The following KCNJ6 variants were observed in gnomAD, a reference collection of about 807,000 sequenced individuals.
KCNJ6 encodes the protein G protein-activated inward rectifier potassium channel 2.
Under a neutral mutation model 34.2 loss-of-function variants are expected in KCNJ6, and 9 were observed. The observed-to-expected ratio is 0.26, with a 90% CI of 0.16 to 0.46. The LOEUF (loss-of-function observed/expected upper bound fraction) is 0.46, where lower values mean the gene tolerates loss of function less well. Among genes scored for constraint, KCNJ6 ranks in the 20% least tolerant of loss-of-function variants. KCNJ6 has a pLI of 1.00. For synonymous variants in KCNJ6, 196 were observed against 207.1 expected (o/e 0.95, Z 0.46); for missense variants, 236 against 531.3 (o/e 0.44, Z 5.46).
At chr21:37,718,721 C>G (rs2054807764) in intron 2 of KCNJ6, among the ~76,000 whole-genome samples, 1 of 152,118 alleles carries the variant, frequency 6.6e-6, no homozygotes, top group Non-Finnish European at 1.5e-5. Context: ...ATGTAAATGA[C>G]AAGTTGATGG....
At chr21:37,845,301 C>T (rs1393855091) in intron 1 of KCNJ6, among the ~76,000 whole-genome samples, 3 of 152,156 alleles carry the variant, frequency 2.0e-5, no homozygotes, top group African/African-American at 7.2e-5. Context: ...AGGAATCATA[C>T]TTGTTGGGAG....
At chr21:37,913,169 G>T (rs559819312) in intron 1 of KCNJ6, among the ~76,000 whole-genome samples, 1 of 152,320 alleles carries the variant, frequency 6.6e-6, no homozygotes, top group African/African-American at 2.4e-5. Context: ...TACCAAGGAT[G>T]AGAGCAGGGC....
chr21:37,808,635 A>G (rs1354428060), intron 2 of KCNJ6, among the ~76,000 whole-genome samples: 4 of 152,230 alleles, frequency 2.6e-5, no homozygotes, highest in African/African-American at 9.6e-5. Context: ...TTAGAACAGA[A>G]AGATTCATTT....
At chr21:37,690,619 C>T (rs1331579437) in intron 3 of KCNJ6, among the ~76,000 whole-genome samples, 1 of 47,148 alleles carries the variant, frequency 2.1e-5, no homozygotes, top group Non-Finnish European at 3.9e-5. Context: ...CCAACCATGA[C>T]ACCTGGCTCA....
intron 3 of KCNJ6, among the ~76,000 whole-genome samples, chr21:37,648,404 C>T (rs990569546): frequency 7.2e-5 from 11 of 152,186 alleles, no homozygotes; most frequent in Non-Finnish European, 1.5e-5. Context: ...GTTTACCTTT[C>T]CTCTGGGGAA....
At chr21:37,635,164 T>C (rs986639143) in intron 3 of KCNJ6, among the ~76,000 whole-genome samples, 3 of 152,198 alleles carry the variant, frequency 2.0e-5, no homozygotes, top group Non-Finnish European at 4.4e-5. Flanking sequence ...AGCAGTGTTC[T>C]AGCTCTTAAA....
chr21:37,802,896 T>C (rs1476168505), intron 2 of KCNJ6, among the ~76,000 whole-genome samples: 1 of 152,110 alleles, frequency 6.6e-6, no homozygotes, highest in Non-Finnish European at 1.5e-5. Flanking sequence ...ACTGCGGTGA[T>C]AGCACTGCAG....
chr21:37,878,096 C>A (rs1311318771), intron 1 of KCNJ6, among the ~76,000 whole-genome samples: 2 of 152,196 alleles, frequency 1.3e-5, no homozygotes, highest in Non-Finnish European at 2.9e-5. Flanking sequence ...CTCTATCAAT[C>A]TGCACGGTGG....
intron 1 of KCNJ6, among the ~76,000 whole-genome samples, chr21:37,861,672 T>C (rs151127717): frequency 5.9e-5 from 9 of 152,238 alleles, no homozygotes; most frequent in Admixed American, 1.3e-4. Flanking sequence ...CCTGAGAGCA[T>C]TTCCCACAGA....
At position 37,607,482 on chromosome 21, in the gene KCNJ6, A is replaced by ATATATATATATATTTTTT; in HGVS notation, c.*17676_*17677insAAAAAATATATATATATA. ...CTTAAAGATATATATATATATATAT[A>ATATATATATATATTTTTT]TTTTTTTTTTATTTTAAAAAAATTT... On this transcript the variant is annotated 3_prime_UTR_variant, in exon 4 of 4. Coordinates refer to ENST00000609713, the MANE Select transcript of KCNJ6 (RefSeq NM_002240.5). The ATATATATATATATTTTTT allele has an allele frequency of 5.9e-3, 808 of 136,584 alleles. 6 individuals are homozygous for ATATATATATATATTTTTT. The highest frequency in any genetic ancestry group is 0.01 in the Non-Finnish European group (658 of 64,644). 8.5% of individuals were successfully genotyped at this position (136,584 alleles called of 1,614,324 possible).
At chr21:37,859,531 A>ATATATATATATATATATAT (rs1491433754) in intron 1 of KCNJ6, among the ~76,000 whole-genome samples, 8 of 86,400 alleles carry the variant, frequency 9.3e-5, no homozygotes, top group African/African-American at 1.2e-4. Flanking sequence ...ATATATATAT[A>ATATATATATATATATATAT]AAATACTTAA....
chr21:37,753,934 G>A (rs2055010392), intron 2 of KCNJ6, among the ~76,000 whole-genome samples: 1 of 152,202 alleles, frequency 6.6e-6, no homozygotes. Context: ...TTGAGAACAA[G>A]GCTGGGCCCT....
chr21:37,792,361 GT>G (rs1246407604), intron 2 of KCNJ6, among the ~76,000 whole-genome samples: 1 of 152,136 alleles, frequency 6.6e-6, no homozygotes, highest in African/African-American at 2.4e-5. Context: ...AATTATTTTT[GT>G]TTCCTTTAAA....
chr21:37,704,684 A>ATCG (rs777488309), intron 3 of KCNJ6, among the ~76,000 whole-genome samples: 1 of 151,838 alleles, frequency 6.6e-6, no homozygotes, highest in Non-Finnish European at 1.5e-5. Context: ...CATCATCATC[A>ATCG]TCTCCAAAAA....
At chr21:37,661,267 T>C (rs2054486948) in intron 3 of KCNJ6, among the ~76,000 whole-genome samples, 1 of 152,216 alleles carries the variant, frequency 6.6e-6, no homozygotes, top group South Asian at 2.1e-4. Flanking sequence ...TAGTAACAAA[T>C]GACTAGTAAC....
chr21:37,831,403 C>A (rs938260724), intron 2 of KCNJ6, among the ~76,000 whole-genome samples: 1 of 152,190 alleles, frequency 6.6e-6, no homozygotes, highest in Non-Finnish European at 1.5e-5. Context: ...CTGCTCCCAG[C>A]CAGCCCTTCT....
At chr21:37,819,970 T>C (rs1437846276) in intron 2 of KCNJ6, among the ~76,000 whole-genome samples, 2 of 151,922 alleles carry the variant, frequency 1.3e-5, no homozygotes, top group African/African-American at 4.8e-5. Flanking sequence ...GTATTTTTGG[T>C]AGAGTCGGGG....
At chr21:37,710,238 CTTAA>C (rs1482550859) in intron 3 of KCNJ6, among the ~76,000 whole-genome samples, 2 of 152,162 alleles carry the variant, frequency 1.3e-5, no homozygotes, top group African/African-American at 4.8e-5. Flanking sequence ...GATGTTGGAT[CTTAA>C]TTTATTGGTC....
chr21:37,732,144 G>T (rs142314239), intron 2 of KCNJ6, among the ~76,000 whole-genome samples: 1 of 152,230 alleles, frequency 6.6e-6, no homozygotes, highest in Non-Finnish European at 1.5e-5. Context: ...TAGAGGGAAA[G>T]CAAGAACAAG....
Sources: gnomAD v4.1 joint callset for allele counts (sites outside exome capture counted in the v4.1 genomes callset) on GRCh38, gnomAD v4.1.1 for gene constraint, MANE v1.5 for transcripts, NCBI Gene and HGNC (gene_info 2026-07-23, HGNC 2026-07-21) for gene names.